Variants in SEL1L3 observed in about 807,000 individuals in gnomAD.
SEL1L3 encodes the protein protein sel-1 homolog 3.
In SEL1L3, 76 loss-of-function variants were observed where a neutral mutation model predicts 142.8. The observed-to-expected ratio is 0.53, with a 90% CI of 0.44 to 0.64. SEL1L3 has a LOEUF of 0.64. Among genes scored for constraint, SEL1L3 ranks in the 30% least tolerant of loss-of-function variants. SEL1L3 has a pLI of 0.00. For missense variants in SEL1L3, 1,262 were observed against 1,381.7 expected, an observed-to-expected ratio of 0.91 and a Z score of 1.37; for synonymous variants, 504 against 519.6, an observed-to-expected ratio of 0.97 and a Z score of 0.41.
the SEL1L3 span, among the ~76,000 whole-genome samples, chr4:25,729,138 C>T: frequency 6.6e-6 from 1 of 152,140 alleles, no homozygotes; most frequent in Admixed American, 6.6e-5. Context: ...GGCTGGACTC[C>T]CCTCTCGTTT....
intron 10 of SEL1L3, 25 bp downstream of exon 10, chr4:25,804,516 T>C: frequency 6.5e-7 from 1 of 1,527,242 alleles, no homozygotes; most frequent in Admixed American, 1.8e-5. Context: ...GTGACTGATG[T>C]TAATGGAGCA....
At chr4:25,741,332 G>A in the SEL1L3 span, among the ~76,000 whole-genome samples, 4 of 151,666 alleles carry the variant, frequency 2.6e-5, no homozygotes, top group South Asian at 2.1e-4. Context: ...AACTCCTGAC[G>A]TCAAGTAATC....
At chr4:25,740,621 G>A in the SEL1L3 span, among the ~76,000 whole-genome samples, 1 of 152,040 alleles carries the variant, frequency 6.6e-6, no homozygotes, top group Non-Finnish European at 1.5e-5. Context: ...CCTGTGCAGA[G>A]TTTGGGAAGC....
At chr4:25,844,812 A>G (rs576783981) in intron 2 of SEL1L3, among the ~76,000 whole-genome samples, 12 of 152,218 alleles carry the variant, frequency 7.9e-5, no homozygotes, top group African/African-American at 1.2e-4. Context: ...AGATGCCTGC[A>G]TGGGGCTCTG....
chr4:25,862,681 G>C lies in SEL1L3; in HGVS notation c.156C>G (p.Cys52Trp). The change falls in exon 1 of 24, where the codon TGC (cysteine) becomes TGG (tryptophan). Residue 52 changes from cysteine to tryptophan, a missense_variant. Cys to Trp is a radical substitution (Grantham distance 215, BLOSUM62 -2). Transcript: ENST00000399878. ...GGCAGGGTCCGGCGCTCACCAGGTA[G>C]CAGAGCAGGAGCAGCGCGCAGGCAG... ...GRSACALLLL[C>W]YLNVVPSLGR... The C allele has an allele frequency of 7.7e-7, 1 of 1,298,338 alleles. No homozygotes were observed. Among genetic ancestry groups the C allele is most frequent in the Non-Finnish European group, 9.8e-7 (1 of 1,020,940 alleles). 80.4% of individuals were successfully genotyped at this position (1,298,338 alleles called of 1,614,324 possible).
intron 15 of SEL1L3, among the ~76,000 whole-genome samples, chr4:25,779,687 C>T (rs533906930): frequency 6.6e-6 from 1 of 152,134 alleles, no homozygotes. Flanking sequence ...ATTTGCTATG[C>T]ATAAAAATAT....
chr4:25,799,968 G>A (rs1713064418), intron 11 of SEL1L3, among the ~76,000 whole-genome samples: 1 of 152,184 alleles, frequency 6.6e-6, no homozygotes, highest in Non-Finnish European at 1.5e-5. Flanking sequence ...TGGGCAGAAT[G>A]CGAGGACTAA....
At chr4:25,718,468 A>G in the SEL1L3 span, 2 of 152,200 alleles carry the variant, frequency 1.3e-5, no homozygotes, top group Non-Finnish European at 2.9e-5. Context: ...TGCTAGGCAG[A>G]ATAGTAAGGA....
intron 17 of SEL1L3, among the ~76,000 whole-genome samples, chr4:25,771,962 T>C (rs1347004843): frequency 6.6e-6 from 1 of 152,128 alleles, no homozygotes; most frequent in Non-Finnish European, 1.5e-5. Context: ...TGGAACAACA[T>C]AGAAAAGCAC....
chr4:25,830,845 TACA>T (rs1264296656), intron 5 of SEL1L3, among the ~76,000 whole-genome samples: 1 of 152,180 alleles, frequency 6.6e-6, no homozygotes, highest in Non-Finnish European at 1.5e-5. Flanking sequence ...AATTCAGCCA[TACA>T]ACATGTTGGT....
At chr4:25,822,812 G>T (rs1038058663) in intron 6 of SEL1L3, among the ~76,000 whole-genome samples, 2 of 152,180 alleles carry the variant, frequency 1.3e-5, no homozygotes, top group Admixed American at 1.3e-4. Context: ...AATGCATGAA[G>T]GTGTTCCTTG....
intron 9 of SEL1L3, among the ~76,000 whole-genome samples, chr4:25,810,586 G>A (rs1157290847): frequency 6.6e-6 from 1 of 152,216 alleles, no homozygotes; most frequent in African/African-American, 2.4e-5. Flanking sequence ...AATGCTAATA[G>A]GGCAATTTCT....
intron 1 of SEL1L3, among the ~76,000 whole-genome samples, chr4:25,861,426 C>A (rs1407783168): frequency 6.6e-6 from 1 of 152,182 alleles, no homozygotes; most frequent in Non-Finnish European, 1.5e-5. Flanking sequence ...TTATAATTTG[C>A]ATTTTTACAC....
At chr4:25,758,883 C>T (rs1703562300) in intron 21 of SEL1L3, 58 bp downstream of exon 21, 8 of 1,525,980 alleles carry the variant, frequency 5.2e-6, no homozygotes, top group South Asian at 2.5e-5. Flanking sequence ...AACCAAGAAG[C>T]GAACATCATC....
chr4:25,753,787 C>T (rs1035008587), intron 23 of SEL1L3, among the ~76,000 whole-genome samples: 65 of 152,128 alleles, frequency 4.3e-4, no homozygotes, highest in African/African-American at 1.5e-3. Flanking sequence ...AGTTCAAGAC[C>T]AGCCTGGCCA....
rs896342932 is a variant in SEL1L3 at position 25,862,856 on chromosome 4, G to A, written c.-20C>T. On this transcript the variant is annotated 5_prime_UTR_variant, in exon 1 of 24. Coordinates refer to ENST00000399878, the MANE Select transcript of SEL1L3 (RefSeq NM_015187.5). The stretch of plus-strand genomic sequence containing the variant: ...CTGCATGGCGAGGCCGCCCGGATCC[G>A]GGCCGGAACAGGTCACCTGGTGCAG... 1.6e-5 allele frequency: 17 copies of A among 1,091,878 alleles called. No homozygotes were observed. The highest frequency in any genetic ancestry group is 1.9e-5 in the Non-Finnish European group (17 of 900,262). 67.6% of individuals were successfully genotyped at this position (1,091,878 alleles called of 1,614,324 possible).
At chr4:25,851,075 T>C (rs1716862375) in intron 1 of SEL1L3, among the ~76,000 whole-genome samples, 1 of 152,132 alleles carries the variant, frequency 6.6e-6, no homozygotes. Context: ...GGTCTCGAAC[T>C]CCTGACCTCA....
At chr4:25,853,328 A>C (rs1221988527) in intron 1 of SEL1L3, among the ~76,000 whole-genome samples, 2 of 152,362 alleles carry the variant, frequency 1.3e-5, no homozygotes, top group East Asian at 1.9e-4. Flanking sequence ...CTGTTTCAAA[A>C]AAACTCTCCA....
chr4:25,722,480 C>T, the SEL1L3 span, among the ~76,000 whole-genome samples: 7 of 152,114 alleles, frequency 4.6e-5, no homozygotes, highest in African/African-American at 1.7e-4. Context: ...AATAAAAATA[C>T]ATAGAGCAAG....
Sources: allele counts gnomAD v4.1 joint callset (sites outside exome capture counted in the v4.1 genomes callset), GRCh38; gene constraint gnomAD v4.1.1; transcripts MANE v1.5; gene names NCBI Gene and HGNC (gene_info 2026-07-23, HGNC 2026-07-21).